WDFY3: variants seen among roughly 807,000 people sequenced by gnomAD.
WDFY3 encodes WD repeat and FYVE domain-containing protein 3.
In WDFY3, 66 loss-of-function variants were observed where a neutral mutation model predicts 409.6. The ratio of observed to expected loss-of-function variants is 0.16; its 90% confidence interval spans 0.13 to 0.20. The LOEUF is 0.20. Ranked by LOEUF, WDFY3 falls within the 10% of genes least tolerant of loss-of-function variation. The pLI, the probability that WDFY3 is intolerant of heterozygous loss-of-function variation, is 1.00. For synonymous variants in WDFY3, 1,521 were observed against 1,537.1 expected (o/e 0.99, Z 0.25); for missense variants, 3,031 against 4,298.1 (o/e 0.71, Z 8.24).
At chr4:84,828,502 A>C (rs1289309014) in intron 9 of WDFY3, among the ~76,000 whole-genome samples, 2 of 152,204 alleles carry the variant, frequency 1.3e-5, no homozygotes, top group African/African-American at 4.8e-5. Context: ...ACTAAAGAGC[A>C]GATTTATGCT....
chr4:84,870,634 C>T (rs187115019), intron 3 of WDFY3, among the ~76,000 whole-genome samples: 56 of 152,220 alleles, frequency 3.7e-4, no homozygotes, highest in Non-Finnish European at 6.8e-4. Flanking sequence ...AAGGCCTACA[C>T]TGCAGGATGA....
intron 10 of WDFY3, among the ~76,000 whole-genome samples, chr4:84,825,654 C>T (rs575193718): frequency 1.3e-5 from 2 of 152,066 alleles, no homozygotes; most frequent in South Asian, 4.2e-4. Flanking sequence ...ACTGATGACG[C>T]CATCTATTTT....
chr4:84,720,220 CATG>C (rs1734622598), intron 47 of WDFY3, among the ~76,000 whole-genome samples: 1 of 152,064 alleles, frequency 6.6e-6, no homozygotes, highest in Admixed American at 6.5e-5. Context: ...GTAATTATGA[CATG>C]ATAATACAGA....
rs757238015 is a variant in WDFY3 at position 84,679,251 on chromosome 4, A to G, written c.9824-9T>C. On this transcript the variant is annotated splice_polypyrimidine_tract_variant and intron_variant, in intron 64 of 67. Transcript: ENST00000295888. ...GTCTTGGGCTTCCTGCCCTGGGTGA[A>G]GCATTGAGAGAATTGGAACATACGG... 5.4e-6 allele frequency: 8 copies of G among 1,490,102 alleles called. No individual in the cohort carries two copies. In the South Asian group the frequency reaches 9.5e-5, roughly 18 times the overall value. The allele number at this position is 1,490,102 out of a possible 1,614,324, so 92.3% of individuals were successfully genotyped here.
At chr4:84,741,268 C>T (rs1738362374) in intron 38 of WDFY3, among the ~76,000 whole-genome samples, 1 of 151,498 alleles carries the variant, frequency 6.6e-6, no homozygotes, top group Non-Finnish European at 1.5e-5. Flanking sequence ...ACATTGGCAC[C>T]AGGCAATTGG....
intron 5 of WDFY3, 94 bp from the exon 6 acceptor site, chr4:84,841,357 A>C: frequency 9.8e-7 from 1 of 1,024,092 alleles, no homozygotes; most frequent in East Asian, 2.5e-5. Context: ...AAATTTACTA[A>C]GCACATAATT....
chr4:84,766,221 GT>G, intron 31 of WDFY3, 30 bp downstream of exon 31: 1 of 1,557,994 alleles, frequency 6.4e-7, no homozygotes. Flanking sequence ...GTAGCAACTG[GT>G]ATAATCACTT....
chr4:84,678,887 G>A lies in WDFY3; in HGVS notation c.10147+32C>T, dbSNP rs372647077. The A allele has an allele frequency of 7.2e-5, 114 of 1,583,472 alleles. No homozygotes were observed. The Middle Eastern group carries it at 8.4e-4, about 12-fold the overall frequency. Reference sequence around the variant, plus strand: ...CACCAACCCTCACACCACATATAAGGAGTGAGAAATAGATACCAGACTTCA... The same window carrying A: ...CACCAACCCTCACACCACATATAAGAAGTGAGAAATAGATACCAGACTTCA... On this transcript the variant is annotated intron_variant, in intron 65 of 67. Transcript: ENST00000295888.
At chr4:84,677,684 T>G (rs1726542933) in intron 66 of WDFY3, among the ~76,000 whole-genome samples, 1 of 152,028 alleles carries the variant, frequency 6.6e-6, no homozygotes, top group Admixed American at 6.6e-5. Flanking sequence ...ATCCAGTGTA[T>G]GGGCATGGTG....
chr4:84,763,855 G>C (rs1743144185), intron 32 of WDFY3, among the ~76,000 whole-genome samples: 2 of 152,168 alleles, frequency 1.3e-5, no homozygotes, highest in African/African-American at 2.4e-5. Context: ...AGGTAGGTCA[G>C]ACACAGTGAA....
At chr4:84,936,741 A>G (rs1380616326) in intron 1 of WDFY3, among the ~76,000 whole-genome samples, 2 of 152,046 alleles carry the variant, frequency 1.3e-5, no homozygotes, top group Admixed American at 6.6e-5. Context: ...GCATCATACA[A>G]GAAAAAAAAA....
chr4:84,940,709 A>G (rs972488875), intron 1 of WDFY3, among the ~76,000 whole-genome samples: 4 of 152,068 alleles, frequency 2.6e-5, no homozygotes, highest in Admixed American at 6.6e-5. Context: ...AACCAGACAA[A>G]GAGATTAAGA....
chr4:84,784,198 C>A (rs552459523), intron 24 of WDFY3, among the ~76,000 whole-genome samples: 1 of 152,152 alleles, frequency 6.6e-6, no homozygotes, highest in Non-Finnish European at 1.5e-5. Context: ...AACACTGGAA[C>A]GTCCCAGGTT....
In WDFY3 at chr4:84,900,161, C is replaced by T. The variant is rs547602337; in HGVS notation, c.-131-3151G>A. Among the ~76,000 whole-genome samples, 17 of 152,284 alleles carry T rather than the reference C, an allele frequency of 1.1e-4. No individual in the cohort carries two copies. In the South Asian group the frequency reaches 3.5e-3, roughly 32 times the overall value. On this transcript the variant is annotated intron_variant, in intron 2 of 67. Coordinates refer to ENST00000295888, the MANE Select transcript of WDFY3 (RefSeq NM_014991.6). ...ATTATGGCCAAAGAATGGAAACAAC[C>T]CAAATGTCCTTCAGCAAGTGAATAG...
At chr4:84,760,742 C>A (rs1742417005) in intron 32 of WDFY3, among the ~76,000 whole-genome samples, 1 of 145,664 alleles carries the variant, frequency 6.9e-6, no homozygotes, top group African/African-American at 2.6e-5. Context: ...TTTGTTGATC[C>A]TTTCAAAAAA....
chr4:84,723,487 A>G (rs1294910986), intron 46 of WDFY3, among the ~76,000 whole-genome samples: 1 of 152,232 alleles, frequency 6.6e-6, no homozygotes, highest in Non-Finnish European at 1.5e-5. Context: ...TTAGGGCTTT[A>G]TAGACTATGC....
intron 5 of WDFY3, among the ~76,000 whole-genome samples, chr4:84,846,217 T>C (rs1252247866): frequency 6.6e-6 from 1 of 152,080 alleles, no homozygotes; most frequent in East Asian, 1.9e-4. Flanking sequence ...CTAAAAATTA[T>C]GTGAAATTAC....
At chr4:84,806,411 C>T (rs182917400) in intron 15 of WDFY3, among the ~76,000 whole-genome samples, 11 of 152,242 alleles carry the variant, frequency 7.2e-5, no homozygotes, top group Admixed American at 4.6e-4. Flanking sequence ...AGAATTCACA[C>T]GGATTAGGGC....
chr4:84,919,073 A>G (rs1768911368), intron 2 of WDFY3, among the ~76,000 whole-genome samples: 1 of 152,078 alleles, frequency 6.6e-6, no homozygotes, highest in African/African-American at 2.4e-5. Context: ...AGTGAAACTA[A>G]TGACTTGCTT....
Sources: allele counts gnomAD v4.1 joint callset (sites outside exome capture counted in the v4.1 genomes callset), GRCh38; gene constraint gnomAD v4.1.1; transcripts MANE v1.5; gene names NCBI Gene and HGNC (gene_info 2026-07-23, HGNC 2026-07-21).